Variants in RYR3 observed in about 807,000 individuals in gnomAD.
RYR3 encodes the protein ryanodine receptor 3.
In RYR3, 207 loss-of-function variants were observed where a neutral mutation model predicts 584.3. The observed-to-expected ratio is 0.35, with a 90% confidence interval of 0.32 to 0.40. RYR3 has a LOEUF of 0.40. RYR3 is among the 10% of genes least tolerant of loss of function. The pLI is 1.00. For synonymous variants in RYR3, 2,416 were observed against 2,248.5 expected (o/e 1.07, Z -2.11); for missense variants, 5,616 against 6,089.2 (o/e 0.92, Z 2.59).
At chr15:33,513,334 A>T (rs1420311039) in intron 3 of RYR3, among the ~76,000 whole-genome samples, 5 of 152,348 alleles carry the variant, frequency 3.3e-5, no homozygotes, top group African/African-American at 1.2e-4. Context: ...GGTGCTAGAG[A>T]AACCCTGATC....
chr15:33,833,634 C>T lies in RYR3; in HGVS notation c.11464-1334C>T, dbSNP rs568962552. ...GCAAAATCCATCCTTATCTTCAGAA[C>T]TTCCCATGGAGCACGAACCCAAAAG... On this transcript the variant is annotated intron_variant, in intron 86 of 103. Coordinates refer to ENST00000634891, the MANE Select transcript of RYR3 (RefSeq NM_001036.6). 2.0e-4 allele frequency among the ~76,000 whole-genome samples: 30 copies of T among 152,358 alleles called. 1 individual carries two copies. In the South Asian group the frequency reaches 6.0e-3, roughly 31 times the overall value.
intron 81 of RYR3, 70 bp from the exon 82 acceptor site, chr15:33,825,533 C>T (rs776886629): frequency 3.1e-6 from 3 of 972,360 alleles, no homozygotes; most frequent in Non-Finnish European, 4.9e-6. Context: ...TCGATAGGTA[C>T]ATTAACATTA....
chr15:33,567,434 C>T (rs769871887), intron 12 of RYR3, among the ~76,000 whole-genome samples: 11 of 152,130 alleles, frequency 7.2e-5, no homozygotes, highest in Non-Finnish European at 1.5e-4. Context: ...CTCTCTAAAG[C>T]CAAGGGGTAT....
intron 102 of RYR3, among the ~76,000 whole-genome samples, chr15:33,862,961 T>A (rs1044335063): frequency 8.5e-5 from 13 of 152,200 alleles, no homozygotes; most frequent in African/African-American, 3.1e-4. Flanking sequence ...GTGCCCTTCC[T>A]CATGAGTATT....
intron 1 of RYR3, among the ~76,000 whole-genome samples, chr15:33,343,253 C>T (rs1972043655): frequency 6.6e-6 from 1 of 152,146 alleles, no homozygotes; most frequent in South Asian, 2.1e-4. Flanking sequence ...CTGAGTGTAG[C>T]TCTTTGCCCT....
At chr15:33,773,180 A>G (rs1021713585) in intron 63 of RYR3, among the ~76,000 whole-genome samples, 2 of 152,222 alleles carry the variant, frequency 1.3e-5, no homozygotes, top group African/African-American at 4.8e-5. Context: ...AAGGAAGGAA[A>G]TATTGCCCTG....
chr15:33,763,776 C>G (rs1555447151), intron 60 of RYR3, among the ~76,000 whole-genome samples: 1 of 151,378 alleles, frequency 6.6e-6, no homozygotes, highest in Non-Finnish European at 1.5e-5. Context: ...GCCTGTAATC[C>G]CAGCTTCTTG....
chr15:33,658,860 A>G (rs1406653804), intron 32 of RYR3, among the ~76,000 whole-genome samples: 2 of 152,202 alleles, frequency 1.3e-5, no homozygotes, highest in East Asian at 1.9e-4. Flanking sequence ...AAACCCTTCA[A>G]CAGAAGAACT....
In RYR3 at chr15:33,800,892, T is replaced by C. The variant is rs777746812; in HGVS notation, c.9918+35T>C. On this transcript the variant is annotated intron_variant, in intron 68 of 103. Coordinates refer to ENST00000634891, the MANE Select transcript of RYR3 (RefSeq NM_001036.6). Reference sequence around the variant, plus strand: ...CATTTGGGCCCTGGGTTTAGAATGGTTGTGAAAGCTGCAGACCGTGGAAAA... The same window carrying C: ...CATTTGGGCCCTGGGTTTAGAATGGCTGTGAAAGCTGCAGACCGTGGAAAA... 1.1e-4 allele frequency: 157 copies of C among 1,413,014 alleles called. No individual in the cohort carries two copies. In the East Asian group the frequency reaches 3.0e-3, roughly 27 times the overall value. 87.5% of individuals were successfully genotyped at this position (1,413,014 alleles called of 1,614,324 possible). A position where few individuals can be genotyped will look rare whatever the true frequency, so the allele number is the denominator to read the frequency against.
chr15:33,559,395 C>A (rs1010613247), intron 10 of RYR3, among the ~76,000 whole-genome samples: 1 of 152,152 alleles, frequency 6.6e-6, no homozygotes, highest in Non-Finnish European at 1.5e-5. Context: ...TTATTATACT[C>A]ACAGGTCCTA....
intron 1 of RYR3, among the ~76,000 whole-genome samples, chr15:33,359,814 G>T (rs1316276824): frequency 6.6e-6 from 1 of 151,710 alleles, no homozygotes; most frequent in Non-Finnish European, 1.5e-5. Flanking sequence ...GTGGAGACGG[G>T]GTTTCACTGT....
At chr15:33,415,676 A>T (rs1398034981) in intron 1 of RYR3, among the ~76,000 whole-genome samples, 1 of 152,062 alleles carries the variant, frequency 6.6e-6, no homozygotes, top group Non-Finnish European at 1.5e-5. Flanking sequence ...ACTCAATTTT[A>T]TTTAGTTTTT....
At chr15:33,854,647 C>A in intron 97 of RYR3, 119 bp from the exon 98 acceptor site, 1 of 1,319,072 alleles carries the variant, frequency 7.6e-7, no homozygotes, top group Non-Finnish European at 1.0e-6. Flanking sequence ...CAGCTCACAG[C>A]ACCTCAGCAC....
intron 1 of RYR3, among the ~76,000 whole-genome samples, chr15:33,391,963 T>C (rs919969679): frequency 6.6e-6 from 1 of 152,136 alleles, no homozygotes; most frequent in Non-Finnish European, 1.5e-5. Flanking sequence ...TTCAGCCTTT[T>C]ACTAAAAGCT....
chr15:33,824,619 A>G (rs766669281), intron 81 of RYR3, among the ~76,000 whole-genome samples: 4 of 152,198 alleles, frequency 2.6e-5, no homozygotes, highest in Non-Finnish European at 5.9e-5. Flanking sequence ...GTCTACCTAA[A>G]TCATTTTTAC....
intron 98 of RYR3, chr15:33,856,472 G>C (rs2079672596): frequency 6.6e-6 from 1 of 152,270 alleles, no homozygotes; most frequent in Non-Finnish European, 1.5e-5. Flanking sequence ...CTGGAAGTAA[G>C]CGTGCCCTAG....
At chr15:33,691,114 A>T (rs1380599241) in intron 38 of RYR3, among the ~76,000 whole-genome samples, 2 of 151,880 alleles carry the variant, frequency 1.3e-5, no homozygotes, top group African/African-American at 4.8e-5. Context: ...TATCTGAACA[A>T]GTAGTAGTTT....
At chr15:33,580,676 T>C (rs1431063384) in intron 13 of RYR3, among the ~76,000 whole-genome samples, 3 of 152,178 alleles carry the variant, frequency 2.0e-5, no homozygotes, top group Non-Finnish European at 4.4e-5. Context: ...CAGCTGTGTG[T>C]GACCACAGAC....
At chr15:33,731,381 C>T in intron 47 of RYR3, 93 bp from the exon 48 acceptor site, 2 of 823,462 alleles carry the variant, frequency 2.4e-6, no homozygotes, top group South Asian at 3.0e-5. Flanking sequence ...CATATATAAG[C>T]TCCCACAGCT....
Sources: allele counts gnomAD v4.1 joint callset (sites outside exome capture counted in the v4.1 genomes callset), GRCh38; gene constraint gnomAD v4.1.1; transcripts MANE v1.5; gene names NCBI Gene and HGNC (gene_info 2026-07-23, HGNC 2026-07-21).